UMODL1: variants seen among roughly 807,000 people sequenced by gnomAD.
The protein encoded by UMODL1 is uromodulin like 1.
A neutral mutation model predicts 136.3 loss-of-function variants in UMODL1; 128 were observed. That is an observed-to-expected ratio of 0.94 (90% CI 0.81 to 1.09). The LOEUF (loss-of-function observed/expected upper bound fraction) is 1.09. Among genes scored for constraint, UMODL1 ranks in the 50% least tolerant of loss-of-function variants. The pLI is 0.00. For missense variants in UMODL1, 1,766 were observed against 1,725.6 expected (o/e 1.02, Z -0.41); for synonymous variants, 721 against 720.0 (o/e 1.00, Z -0.02).
rs1365263937 is a variant in UMODL1, at chr21:42,076,110, G to A, written c.182G>A (p.Cys61Tyr). ...VQTSYTSYVS[C>Y]GGWIPWRRCP... ...ACGTCCTACACGTCCTATGTGTCCT[G>A]CGGCGGCTGGATCCCCTGGAGGCGG... Residue 61 changes from cysteine to tyrosine, a missense_variant, in exon 2 of 23, where the codon TGC (cysteine) becomes TAC (tyrosine). Physicochemically the swap from Cys to Tyr is radical, Grantham distance 194. Transcript: ENST00000408910. 1.9e-6 allele frequency: 3 copies of A among 1,614,252 alleles called. No individual in the cohort carries two copies. Among genetic ancestry groups the A allele is most frequent in the Non-Finnish European group, 2.5e-6 (3 of 1,180,046 alleles).
chr21:42,127,860 T>C (rs767377847), intron 20 of UMODL1, 29 bp downstream of exon 20: 2 of 1,609,192 alleles, frequency 1.2e-6, no homozygotes, highest in Admixed American at 3.4e-5. Context: ...TCTAAACGTT[T>C]GGTTGGATTC....
chr21:42,104,029 C>G lies in UMODL1; in HGVS notation c.1461C>G (p.Leu487=), dbSNP rs748946074. 1 of 1,613,964 alleles carries G rather than the reference C, an allele frequency of 6.2e-7. No homozygotes were observed. The highest frequency in any genetic ancestry group is 8.5e-7 in the Non-Finnish European group (1 of 1,180,028). The change falls in exon 9 of 23, where the codon CTC becomes CTG. Residue 487 remains leucine (L), a synonymous_variant. Coordinates refer to ENST00000408910, the MANE Select transcript of UMODL1 (RefSeq NM_001004416.3). ...PMGISTLAPI[L]QPLLASTVFQ... Reference sequence around the variant, plus strand: ...GCATCTCCACGCTGGCCCCCATACTCCAGCCCCTGTTGGCAAGCACAGTGT... The same window carrying G: ...GCATCTCCACGCTGGCCCCCATACTGCAGCCCCTGTTGGCAAGCACAGTGT...
At chr21:42,074,923 G>A (rs1281315651) in intron 1 of UMODL1, among the ~76,000 whole-genome samples, 2 of 149,208 alleles carry the variant, frequency 1.3e-5, no homozygotes, top group East Asian at 3.9e-4. Context: ...TTTTTTCAGA[G>A]GGAGTCTTCA....
rs1054109896 is a variant in UMODL1, at chr21:42,103,957, G to A, written c.1389G>A (p.Val463=). ...MQIVSLQAGS[V]VVRLKLTVQD... is the part of the protein sequence containing the mutation. ...TCGTGTCTCTCCAGGCGGGAAGTGT[G>A]GTCGTGAGGCTCAAGCTCACCGTGC... is the stretch of plus-strand genomic sequence containing the variant. The change falls in exon 9 of 23, where the codon GTG becomes GTA. Residue 463 remains valine, a synonymous_variant. Coordinates refer to ENST00000408910, the MANE Select transcript of UMODL1 (RefSeq NM_001004416.3). 1.9e-5 allele frequency: 30 copies of A among 1,614,156 alleles called. No individual in the cohort carries two copies. The highest frequency in any genetic ancestry group is 2.5e-5 in the Non-Finnish European group (29 of 1,180,040).
chr21:42,063,112 T>C (rs565523373), exon 1 of UMODL1: 28 of 152,382 alleles, frequency 1.8e-4, no homozygotes, highest in Admixed American at 5.9e-4. Context: ...CTCAAATCTC[T>C]CTCTCCTTCC....
chr21:42,086,768 C>G, intron 4 of UMODL1: 2 of 387,834 alleles, frequency 5.2e-6, no homozygotes, highest in Middle Eastern at 1.8e-3. Context: ...GAGTTAAAGA[C>G]CAGCCTGGCC....
chr21:42,109,070 T>G, intron 9 of UMODL1, among the ~76,000 whole-genome samples: 1 of 135,764 alleles, frequency 7.4e-6, no homozygotes, highest in Admixed American at 7.2e-5. Flanking sequence ...GCTGGTGTTA[T>G]ACTCCGCTGG....
At chr21:42,133,913 G>GTTTTGTTTTA (rs1448500919) in intron 21 of UMODL1, among the ~76,000 whole-genome samples, 1 of 135,638 alleles carries the variant, frequency 7.4e-6, no homozygotes, top group Non-Finnish European at 1.6e-5. Context: ...GTTTTGTTTT[G>GTTTTGTTTTA]TTTTGTTTCG....
intron 2 of UMODL1, among the ~76,000 whole-genome samples, chr21:42,077,719 A>G (rs540862856): frequency 1.3e-5 from 2 of 152,318 alleles, no homozygotes; most frequent in East Asian, 3.9e-4. Context: ...TGCCAGTGAA[A>G]GAGGCAAGAT....
chr21:42,083,667 C>G (rs777604878), intron 2 of UMODL1, among the ~76,000 whole-genome samples: 1 of 152,272 alleles, frequency 6.6e-6, no homozygotes, highest in Non-Finnish European at 1.5e-5. Context: ...ATATAAGTTC[C>G]CTGAAGGCTG....
chr21:42,121,279 T>A (rs1236914926), intron 16 of UMODL1, 55 bp downstream of exon 16: 7 of 1,562,884 alleles, frequency 4.5e-6, no homozygotes, highest in East Asian at 4.5e-5. Flanking sequence ...CGGTTTTTTT[T>A]AAGGACATTC....
chr21:42,074,423 AAC>A (rs1172774689), intron 1 of UMODL1, among the ~76,000 whole-genome samples: 1 of 152,228 alleles, frequency 6.6e-6, no homozygotes, highest in African/African-American at 2.4e-5. Context: ...TTAGGACTTT[AAC>A]ACACTAATTT....
rs1601290438 is a variant in UMODL1, at chr21:42,137,571, A to ATTAT, written c.3908_3909insTTAT (p.Phe1304TyrfsTer3). 1 of 1,614,042 alleles carries ATTAT rather than the reference A, an allele frequency of 6.2e-7. No homozygotes were observed. The highest frequency in any genetic ancestry group is 1.3e-5 in the African/African-American group (1 of 74,914). ...TACCAGAGAATGAATGGGAGATACA[A>ATTAT]CTTTAAAATCCAGTCCAACAACTTC... is the stretch of plus-strand genomic sequence containing the variant. On this transcript the variant is annotated frameshift_variant, in exon 22 of 23. Coordinates refer to ENST00000408910, the MANE Select transcript of UMODL1 (RefSeq NM_001004416.3). LOFTEE classifies it high-confidence loss of function.
intron 1 of UMODL1, 54 bp from the exon 2 acceptor site, chr21:42,075,951 C>T (rs1004215365): frequency 2.5e-5 from 40 of 1,600,334 alleles, no homozygotes; most frequent in Middle Eastern, 1.7e-4. Context: ...GATAACCGCT[C>T]GCACGGATCT....
At chr21:42,076,333 C>T (rs1478552377) in intron 2 of UMODL1, 86 bp downstream of exon 2, 8 of 1,573,114 alleles carry the variant, frequency 5.1e-6, no homozygotes, top group African/African-American at 1.3e-5. Flanking sequence ...ATCCATTGGC[C>T]CCGAACTTGC....
At chr21:42,090,580 C>T (rs544422614) in intron 6 of UMODL1, 142 bp downstream of exon 6, 32 of 1,127,342 alleles carry the variant, frequency 2.8e-5, no homozygotes, top group Middle Eastern at 6.1e-4. Context: ...TTATTATTTT[C>T]GCATCACTGT....
intron 2 of UMODL1, among the ~76,000 whole-genome samples, chr21:42,076,595 G>A (rs2066294265): frequency 6.6e-6 from 1 of 152,198 alleles, no homozygotes; most frequent in South Asian, 2.1e-4. Context: ...CTGAGAGAGT[G>A]TGAGGGAATT....
rs759965271 is a variant in UMODL1, at chr21:42,088,433, G to A, written c.743G>A (p.Gly248Asp). The part of the protein sequence containing the change: ...LPVADVSTLL[G>D]DIAKRVYEVI... ...GTGGCTGACGTCTCCACCCTGCTGG[G>A]TGACATTGCGAAGCGTGTCTATGAA... Residue 248 changes from glycine (G) to aspartate (D), a missense_variant, in exon 5 of 23, where the codon GGT becomes GAT. By Grantham distance (94) the Gly-to-Asp change is moderately conservative. Coordinates refer to ENST00000408910, the MANE Select transcript of UMODL1 (RefSeq NM_001004416.3). The A allele has an allele frequency of 6.2e-7, 1 of 1,613,618 alleles. No homozygotes were observed. The highest frequency in any genetic ancestry group is 8.5e-7 in the Non-Finnish European group (1 of 1,179,622).
chr21:42,089,308 C>T (rs1007192563), intron 5 of UMODL1, among the ~76,000 whole-genome samples: 1 of 152,220 alleles, frequency 6.6e-6, no homozygotes, highest in African/African-American at 2.4e-5. Context: ...TGCCAGGGCT[C>T]AGAGCCGTGT....
Sources: gnomAD v4.1 joint callset for allele counts (sites outside exome capture counted in the v4.1 genomes callset) on GRCh38, gnomAD v4.1.1 for gene constraint, MANE v1.5 for transcripts, NCBI Gene and HGNC (gene_info 2026-07-23, HGNC 2026-07-21) for gene names.